The following HMCN1 variants were observed in gnomAD, a reference collection of about 807,000 sequenced individuals.
HMCN1 encodes the protein hemicentin-1.
In HMCN1, 321 loss-of-function variants were observed where a neutral mutation model predicts 625.9. That is an observed-to-expected ratio of 0.51 (90% CI 0.47 to 0.56). The LOEUF (loss-of-function observed/expected upper bound fraction) is 0.56. HMCN1 is among the 20% of genes least tolerant of loss of function. HMCN1 has a pLI of 0.00. For missense variants in HMCN1, 6,588 were observed against 6,887.3 expected (o/e 0.96, Z 1.54); for synonymous variants, 2,425 against 2,417.6 (o/e 1.00, Z -0.09).
chr1:185,816,480 G>C (rs1304342217), intron 1 of HMCN1, among the ~76,000 whole-genome samples: 5 of 152,176 alleles, frequency 3.3e-5, no homozygotes, highest in African/African-American at 1.2e-4. Context: ...TTGGATATAG[G>C]AAAGGAGATT....
Position 185,965,804 on chromosome 1 carries a change from G to A in HMCN1, c.2101G>A (p.Ala701Thr), listed in dbSNP as rs567554664. 4 of 1,591,384 alleles carry A rather than the reference G, an allele frequency of 2.5e-6. No individual in the cohort carries two copies. The highest frequency in any genetic ancestry group is 1.1e-5 in the South Asian group (1 of 90,660). Residue 701 changes from alanine (A) to threonine (T), a missense_variant and splice_region_variant, in exon 14 of 107, where the codon GCC (alanine) becomes ACC (threonine). Transcript: ENST00000271588. ...ATTTGCGTTTTTGTTTTTTTCAGAA[G>A]CCCCTAAGTTGATGGTAGTTCAGAG... is the stretch of plus-strand genomic sequence containing the variant. The part of the protein sequence containing the change: ...KQNSTLRYIE[A>T]PKLMVVQSEL...
chr1:186,090,871 C>T lies in HMCN1; in HGVS notation c.9841C>T (p.Leu3281Phe), dbSNP rs780010955. ...NGIPTPLIQW[L>F]KDGKPIASGE... ...CATTCCTACTCCACTTATTCAATGG[C>T]TTAAAGATGGAAAGCCCATAGCTAG... is the stretch of plus-strand genomic sequence containing the variant. Residue 3281 changes from leucine (L) to phenylalanine (F), a missense_variant, in exon 64 of 107, where the codon CTT (leucine) becomes TTT (phenylalanine). Transcript: ENST00000271588. The T allele has an allele frequency of 1.6e-4, 250 of 1,612,276 alleles. No homozygotes were observed. Among genetic ancestry groups the T allele is most frequent in the Non-Finnish European group, 2.1e-4 (245 of 1,178,858 alleles).
intron 11 of HMCN1, among the ~76,000 whole-genome samples, chr1:185,939,822 T>G (rs1257214922): frequency 1.3e-5 from 2 of 152,060 alleles, no homozygotes; most frequent in African/African-American, 4.8e-5. Context: ...GAACACAAAT[T>G]AACAAATAAT....
At chr1:186,012,080 A>C (rs1325442396) in intron 30 of HMCN1, among the ~76,000 whole-genome samples, 1 of 152,028 alleles carries the variant, frequency 6.6e-6, no homozygotes, top group Admixed American at 6.6e-5. Context: ...ACTATATGAG[A>C]GCAAACAAAA....
chr1:186,082,625 A>T (rs1659233283), intron 56 of HMCN1, among the ~76,000 whole-genome samples: 1 of 151,828 alleles, frequency 6.6e-6, no homozygotes, highest in Admixed American at 6.6e-5. Flanking sequence ...AATTTGGGAC[A>T]TTTTTTTTCT....
intron 57 of HMCN1, among the ~76,000 whole-genome samples, chr1:186,083,714 T>C (rs1440862989): frequency 6.6e-6 from 1 of 152,180 alleles, no homozygotes; most frequent in Non-Finnish European, 1.5e-5. Flanking sequence ...TCTAAAGGAC[T>C]TTTATGTAGT....
At chr1:185,867,776 G>C (rs1663353203) in intron 4 of HMCN1, among the ~76,000 whole-genome samples, 1 of 152,052 alleles carries the variant, frequency 6.6e-6, no homozygotes, top group East Asian at 1.9e-4. Flanking sequence ...ACCACTTAGA[G>C]ATTCCCAAAA....
At chr1:185,838,204 A>G (rs1407730081) in intron 1 of HMCN1, among the ~76,000 whole-genome samples, 1 of 152,138 alleles carries the variant, frequency 6.6e-6, no homozygotes, top group African/African-American at 2.4e-5. Context: ...TGGCAGGTCC[A>G]TTTGAAGCAG....
At chr1:186,052,354 G>A (rs1657012679) in intron 42 of HMCN1, among the ~76,000 whole-genome samples, 1 of 152,034 alleles carries the variant, frequency 6.6e-6, no homozygotes, top group South Asian at 2.1e-4. Flanking sequence ...AGTTCAGCCA[G>A]CATCTGCAGA....
At chr1:185,910,027 A>G (rs1439292423) in intron 5 of HMCN1, among the ~76,000 whole-genome samples, 4 of 152,162 alleles carry the variant, frequency 2.6e-5, no homozygotes, top group Admixed American at 6.6e-5. Flanking sequence ...TTATAACCAT[A>G]TGATTTGTTT....
At chr1:186,156,168 A>G (rs1188917597) in intron 97 of HMCN1, among the ~76,000 whole-genome samples, 1 of 152,166 alleles carries the variant, frequency 6.6e-6, no homozygotes, top group Non-Finnish European at 1.5e-5. Context: ...GAATCAGAGT[A>G]TCAGAAATTA....
intron 1 of HMCN1, among the ~76,000 whole-genome samples, chr1:185,765,677 T>C (rs774305871): frequency 5.3e-5 from 8 of 152,182 alleles, no homozygotes; most frequent in Non-Finnish European, 8.8e-5. Flanking sequence ...GTAATTTAAC[T>C]TGAGACTTCA....
At chr1:186,023,273 T>TA (rs902415883) in intron 36 of HMCN1, 120 bp downstream of exon 36, 41 of 819,558 alleles carry the variant, frequency 5.0e-5, no homozygotes, top group African/African-American at 9.0e-5. Flanking sequence ...TTAGTCTGTA[T>TA]AAAAAAAACC....
intron 103 of HMCN1, among the ~76,000 whole-genome samples, chr1:186,175,057 GAC>G (rs1652475699): frequency 6.6e-6 from 1 of 152,048 alleles, no homozygotes; most frequent in Non-Finnish European, 1.5e-5. Flanking sequence ...TTAAAATAGG[GAC>G]ACACAATTTA....
intron 103 of HMCN1, among the ~76,000 whole-genome samples, chr1:186,177,499 T>C (rs950238135): frequency 6.6e-6 from 1 of 151,926 alleles, no homozygotes; most frequent in Non-Finnish European, 1.5e-5. Context: ...ATAAAGAATG[T>C]GATGGGAAAA....
intron 4 of HMCN1, among the ~76,000 whole-genome samples, chr1:185,909,003 T>G (rs1414049891): frequency 1.3e-5 from 2 of 151,966 alleles, no homozygotes; most frequent in African/African-American, 4.8e-5. Context: ...CACTATTATG[T>G]TTTTAAATAA....
At chr1:185,983,441 T>G (rs1651795806) in intron 18 of HMCN1, among the ~76,000 whole-genome samples, 1 of 151,852 alleles carries the variant, frequency 6.6e-6, no homozygotes, top group Admixed American at 6.6e-5. Flanking sequence ...AAATAAAAAA[T>G]AAAAATTAAA....
chr1:186,134,626 G>A (rs1649482260), intron 86 of HMCN1, among the ~76,000 whole-genome samples: 1 of 152,092 alleles, frequency 6.6e-6, no homozygotes, highest in Admixed American at 6.6e-5. Flanking sequence ...AAGACAACAT[G>A]TCACGGATAC....
intron 18 of HMCN1, 52 bp downstream of exon 18, chr1:185,982,441 C>CTTTTTTTT: frequency 2.4e-6 from 3 of 1,227,426 alleles, no homozygotes; most frequent in Middle Eastern, 2.5e-4. Flanking sequence ...GTTTTCTTTT[C>CTTTTTTTT]TTTTTTTTTT....
Sources: allele counts gnomAD v4.1 joint callset (sites outside exome capture counted in the v4.1 genomes callset), GRCh38; gene constraint gnomAD v4.1.1; transcripts MANE v1.5; gene names NCBI Gene and HGNC (gene_info 2026-07-23, HGNC 2026-07-21).